The following PCDHGA4 variants were observed in gnomAD, a reference collection of about 807,000 sequenced individuals.
PCDHGA4 encodes the protein protocadherin gamma-A4.
PCDHGA4 carries 38 observed loss-of-function variants against 54.6 expected under a neutral mutation model. The observed-to-expected ratio is 0.70, with a 90% CI of 0.54 to 0.91. PCDHGA4 has a LOEUF of 0.91. Among genes scored for constraint, PCDHGA4 ranks in the 40% least tolerant of loss-of-function variants. The pLI, the probability that PCDHGA4 is intolerant of heterozygous loss-of-function variation, is 0.00. For synonymous variants in PCDHGA4, 511 were observed against 512.9 expected, an observed-to-expected ratio of 1.00 and a Z score of 0.05; for missense variants, 1,298 against 1,220.9, an observed-to-expected ratio of 1.06 and a Z score of -0.94.
intron 1 of PCDHGA4, chr5:141,384,729 G>A: frequency 6.2e-7 from 1 of 1,614,122 alleles, no homozygotes; most frequent in Non-Finnish European, 8.5e-7. Context: ...TCCTGCTTAA[G>A]GCCAGCGAGC....
intron 1 of PCDHGA4, chr5:141,402,822 C>G (rs1038768509): frequency 7.7e-7 from 1 of 1,302,260 alleles, no homozygotes; most frequent in African/African-American, 1.5e-5. Flanking sequence ...CAAACCTGCT[C>G]CCAGGCTGCA....
At chr5:141,410,526 C>T in intron 1 of PCDHGA4, 4 of 1,613,920 alleles carry the variant, frequency 2.5e-6, no homozygotes, top group Non-Finnish European at 3.4e-6. Context: ...CCCCTACATT[C>T]CAATGAAGAC....
rs774218837 is a variant in PCDHGA4 at position 141,355,964 on chromosome 5, T to A, written c.857T>A (p.Val286Asp). The A allele has an allele frequency of 6.2e-7, 1 of 1,613,906 alleles. No homozygotes were observed. Among genetic ancestry groups the A allele is most frequent in the East Asian group, 2.2e-5 (1 of 44,882 alleles). The change falls in exon 1 of 4, where the codon GTT becomes GAT. Residue 286 changes from valine (V) to aspartate (D), a missense_variant. Coordinates refer to ENST00000571252, the MANE Select transcript of PCDHGA4 (RefSeq NM_018917.4). ...TACCACGTAAGTGTTCGTGAGAACG[T>A]TCCTGTAGGCACTCGGCTACTCACC... Reference protein sequence around the residue: ...PEYHVSVRENVPVGTRLLTVK... With the variant: ...PEYHVSVRENDPVGTRLLTVK...
At position 141,476,717 on chromosome 5, in the gene PCDHGA4, G is replaced by A. The variant is rs2099397053; in HGVS notation, c.2515-18090G>A. 6.2e-7 allele frequency: 1 copy of A among 1,614,048 alleles called. No homozygotes were observed. The stretch of plus-strand genomic sequence containing the variant: ...GTACGCGGAGCTGGTGTTGGAGCGC[G>A]CCCTGGACCGAGAACGGGAGCCTAG... On this transcript the variant is annotated intron_variant, in intron 1 of 3. Transcript: ENST00000571252. This position sits in a 1 kb window ranked among gnomAD's most constrained non-coding sequence, Gnocchi z 7.6.
At chr5:141,384,901 A>G in intron 1 of PCDHGA4, 1 of 1,613,838 alleles carries the variant, frequency 6.2e-7, no homozygotes, top group South Asian at 1.1e-5. Flanking sequence ...GGCTGACAGC[A>G]TCCCCGAAGT....
intron 2 of PCDHGA4, among the ~76,000 whole-genome samples, chr5:141,499,983 C>T (rs765029745): frequency 5.3e-5 from 8 of 151,352 alleles, no homozygotes; most frequent in African/African-American, 9.7e-5. Context: ...CCACCTTGCC[C>T]GGCCAGATGA....
intron 1 of PCDHGA4, among the ~76,000 whole-genome samples, chr5:141,455,519 G>T (rs1439363688): frequency 1.3e-5 from 2 of 152,158 alleles, no homozygotes; most frequent in East Asian, 3.9e-4. Flanking sequence ...TCAGGGGATT[G>T]GTTTGACCAG....
At chr5:141,484,155 T>G (rs2099592564) in intron 1 of PCDHGA4, among the ~76,000 whole-genome samples, 1 of 152,224 alleles carries the variant, frequency 6.6e-6, no homozygotes, top group Non-Finnish European at 1.5e-5. Context: ...GTAGGCACAA[T>G]GCTGTTGGTA....
chr5:141,378,862 C>T (rs899917720), intron 1 of PCDHGA4: 2 of 152,096 alleles, frequency 1.3e-5, no homozygotes, highest in African/African-American at 4.8e-5. Flanking sequence ...CAATGATGTT[C>T]GAATAGAAAA....
At chr5:141,360,900 G>A in intron 1 of PCDHGA4, 1 of 1,614,038 alleles carries the variant, frequency 6.2e-7, no homozygotes, top group Non-Finnish European at 8.5e-7. Context: ...GGGAGGACGT[G>A]CCGCCGGGCT....
chr5:141,472,770 G>C (rs953423129), intron 1 of PCDHGA4, among the ~76,000 whole-genome samples: 5 of 152,046 alleles, frequency 3.3e-5, no homozygotes, highest in Admixed American at 6.6e-5. Flanking sequence ...CAGATCACCT[G>C]AGGTTGGGAG....
intron 1 of PCDHGA4, chr5:141,433,070 C>T: frequency 6.2e-7 from 1 of 1,614,174 alleles, no homozygotes; most frequent in Non-Finnish European, 8.5e-7. Flanking sequence ...CCTGATCTTC[C>T]CCCAGCCCAA....
At chr5:141,396,974 T>C (rs947865597) in intron 1 of PCDHGA4, among the ~76,000 whole-genome samples, 3 of 152,218 alleles carry the variant, frequency 2.0e-5, no homozygotes, top group Admixed American at 6.5e-5. Flanking sequence ...CCTAAAAATG[T>C]TGGCTAGTTG....
intron 1 of PCDHGA4, among the ~76,000 whole-genome samples, chr5:141,449,589 A>G (rs1196329432): frequency 7.6e-6 from 1 of 131,966 alleles, no homozygotes; most frequent in Non-Finnish European, 1.7e-5. Context: ...ACTCTGTCTC[A>G]AAAAAAAAAA....
In PCDHGA4 at chr5:141,432,688, A is replaced by T; in HGVS notation, c.2515-62119A>T. 1 of 1,613,896 alleles carries T rather than the reference A, an allele frequency of 6.2e-7. No homozygotes were observed. The highest frequency in any genetic ancestry group is 1.1e-5 in the South Asian group (1 of 91,078). ...GAGACGCGCTCAAGCAGAGCCTCGTAGTGGCCGTCCAGGACCACGGCCAGC... is the reference window on the plus strand; with the variant it reads ...GAGACGCGCTCAAGCAGAGCCTCGTTGTGGCCGTCCAGGACCACGGCCAGC... On this transcript the variant is annotated intron_variant, in intron 1 of 3. Transcript: ENST00000571252. This position sits in a 1 kb window ranked among gnomAD's most constrained non-coding sequence, Gnocchi z 6.0.
At chr5:141,361,527 C>G in intron 1 of PCDHGA4, 1 of 1,614,060 alleles carries the variant, frequency 6.2e-7, no homozygotes, top group Non-Finnish European at 8.5e-7. Context: ...TGGCAGAGAA[C>G]AATCCTCCTG....
rs368136545 is a variant in PCDHGA4, at chr5:141,356,944, G to A, written c.1837G>A (p.Ala613Thr). ...STGVELAPRSADSGYLVTKVV... is the reference protein window; with the variant it reads ...STGVELAPRSTDSGYLVTKVV... ...TGGTGTGGAGCTGGCACCCCGCTCC[G>A]CAGATTCCGGCTACCTGGTGACCAA... Residue 613 changes from alanine to threonine, a missense_variant, in exon 1 of 4, where the codon GCA (alanine) becomes ACA (threonine). Ala to Thr is a moderately conservative substitution (Grantham distance 58). Transcript: ENST00000571252. The A allele has an allele frequency of 6.2e-6, 10 of 1,614,090 alleles. No individual in the cohort carries two copies. In the South Asian group the frequency reaches 6.6e-5, roughly 11 times the overall value.
rs375260597 is a variant in PCDHGA4 at position 141,388,655 on chromosome 5, G to C, written c.2514+31034G>C. On this transcript the variant is annotated intron_variant, in intron 1 of 3. Coordinates refer to ENST00000571252, the MANE Select transcript of PCDHGA4 (RefSeq NM_018917.4). Reference sequence around the variant, plus strand: ...TGAGCCTTTCAGAAAACGTGTACCCGGGGACCACGGTGCTACAGGTGACTG... The same window carrying C: ...TGAGCCTTTCAGAAAACGTGTACCCCGGGACCACGGTGCTACAGGTGACTG... The C allele has an allele frequency of 1.9e-6, 3 of 1,613,808 alleles. No individual in the cohort carries two copies. In the African/African-American group the frequency reaches 4.0e-5, roughly 22 times the overall value.
intron 1 of PCDHGA4, chr5:141,404,152 T>C (rs769503668): frequency 1.9e-5 from 31 of 1,612,848 alleles, no homozygotes; most frequent in Non-Finnish European, 2.0e-5. Flanking sequence ...CAGAAGAAGA[T>C]TATTACAGAT....
Sources: gnomAD v4.1 joint callset for allele counts (sites outside exome capture counted in the v4.1 genomes callset) on GRCh38, gnomAD v4.1.1 for gene constraint, Gnocchi (gnomAD v3.1) non-coding constraint, MANE v1.5 for transcripts, NCBI Gene and HGNC (gene_info 2026-07-23, HGNC 2026-07-21) for gene names.